The following SOX5 variants were observed in gnomAD, a reference collection of about 807,000 sequenced individuals.
SOX5 encodes the protein SRY-box transcription factor 5, also known as transcription factor SOX-5.
In SOX5, 9 loss-of-function variants were observed where a neutral mutation model predicts 92.0. The ratio of observed to expected loss-of-function variants is 0.10; its 90% CI spans 0.06 to 0.17. The LOEUF (loss-of-function observed/expected upper bound fraction) is 0.17. Ranked by LOEUF, SOX5 falls within the 10% of genes least tolerant of loss-of-function variation. The pLI is 1.00. For missense variants in SOX5, 642 were observed against 944.5 expected (o/e 0.68, Z 4.20); for synonymous variants, 344 against 336.3 (o/e 1.02, Z -0.25).
At chr12:24,510,648 GC>G (rs1194853518) in intron 1 of SOX5, among the ~76,000 whole-genome samples, 1 of 152,202 alleles carries the variant, frequency 6.6e-6, no homozygotes, top group Non-Finnish European at 1.5e-5. Context: ...CTGGGCCACA[GC>G]CCTGGAAATT....
intron 2 of SOX5, among the ~76,000 whole-genome samples, chr12:24,337,798 A>C (rs911280026): frequency 5.9e-5 from 9 of 152,236 alleles, no homozygotes; most frequent in Non-Finnish European, 7.3e-5. Flanking sequence ...TAAGGCACTG[A>C]AACGTTTTCA....
At chr12:23,895,715 AAGGACTG>A in intron 2 of SOX5, 71 bp downstream of exon 2, 1 of 957,902 alleles carries the variant, frequency 1.0e-6, no homozygotes, top group Non-Finnish European at 1.7e-6. Flanking sequence ...TTATAAAGCA[AAGGACTG>A]AGGCCAAACT....
chr12:23,955,941 A>T (rs1354505890), upstream of SOX5, among the ~76,000 whole-genome samples: 1 of 152,198 alleles, frequency 6.6e-6, no homozygotes, highest in Non-Finnish European at 1.5e-5. Context: ...TCTTGCTACA[A>T]TGTAGTTTTG....
chr12:23,686,851 T>C (rs1233068417), intron 6 of SOX5, among the ~76,000 whole-genome samples: 1 of 152,020 alleles, frequency 6.6e-6, no homozygotes, highest in Non-Finnish European at 1.5e-5. Flanking sequence ...ACAACAACAG[T>C]AAATAAAACA....
At chr12:23,966,855 A>C (rs1947643428) in intron 4 of SOX5, among the ~76,000 whole-genome samples, 1 of 152,190 alleles carries the variant, frequency 6.6e-6, no homozygotes. Flanking sequence ...GTTGTTTATA[A>C]ACTTTAAAAA....
At chr12:23,863,763 G>A (rs1041969593) in intron 2 of SOX5, among the ~76,000 whole-genome samples, 1 of 149,286 alleles carries the variant, frequency 6.7e-6, no homozygotes, top group Non-Finnish European at 1.5e-5. Flanking sequence ...GAGCTATTTT[G>A]TCAACTCCTA....
chr12:23,730,040 T>C (rs1301232896), intron 6 of SOX5, among the ~76,000 whole-genome samples: 1 of 152,160 alleles, frequency 6.6e-6, no homozygotes, highest in Non-Finnish European at 1.5e-5. Context: ...AGTCACTCAG[T>C]CACTTCCTGT....
chr12:24,380,971 T>C (rs897659908), intron 1 of SOX5, among the ~76,000 whole-genome samples: 1 of 152,232 alleles, frequency 6.6e-6, no homozygotes, highest in Non-Finnish European at 1.5e-5. Context: ...GGGGCATCTA[T>C]AGGGCAAGAT....
chr12:23,587,878 G>A (rs937624597), intron 9 of SOX5, among the ~76,000 whole-genome samples: 1 of 151,976 alleles, frequency 6.6e-6, no homozygotes, highest in South Asian at 2.1e-4. Context: ...TTACTGGCTC[G>A]GCCAAAGGCT....
chr12:23,592,718 A>G lies in SOX5; in HGVS notation c.1164+11669T>C, dbSNP rs1429208540. On this transcript the variant is annotated intron_variant, in intron 9 of 14. Coordinates refer to ENST00000451604, the MANE Select transcript of SOX5 (RefSeq NM_006940.6). The stretch of plus-strand genomic sequence containing the variant: ...TAATATTGATAAGCTGAAGATTTCA[A>G]TGAGCAAAATTCTTATTTCAGTATA... Among the ~76,000 whole-genome samples the G allele has an allele frequency of 2.6e-5, 4 of 152,330 alleles. No individual in the cohort carries two copies. The East Asian group carries it at 5.8e-4, about 22-fold the overall frequency.
chr12:23,806,126 T>C (rs1437670550), intron 3 of SOX5, among the ~76,000 whole-genome samples: 2 of 152,172 alleles, frequency 1.3e-5, no homozygotes, highest in African/African-American at 2.4e-5. Context: ...CTTACAATAA[T>C]AGCCTTAGAG....
At chr12:23,660,348 G>C in intron 7 of SOX5, among the ~76,000 whole-genome samples, 1 of 67,288 alleles carries the variant, frequency 1.5e-5, no homozygotes, top group East Asian at 3.1e-4. Context: ...CCGTAAAATG[G>C]ATCATGGATC....
chr12:23,767,417 T>C (rs2094774399), intron 3 of SOX5, among the ~76,000 whole-genome samples: 1 of 152,060 alleles, frequency 6.6e-6, no homozygotes, highest in African/African-American at 2.4e-5. Flanking sequence ...AATGGGAGAA[T>C]CACGTTACAA....
intron 3 of SOX5, among the ~76,000 whole-genome samples, chr12:23,807,017 T>A (rs1326031985): frequency 6.6e-6 from 1 of 152,226 alleles, no homozygotes; most frequent in African/African-American, 2.4e-5. Flanking sequence ...GGCCAGCTTT[T>A]GGATGGCCAA....
At chr12:24,105,844 T>C (rs538778542) in intron 4 of SOX5, among the ~76,000 whole-genome samples, 1 of 151,548 alleles carries the variant, frequency 6.6e-6, no homozygotes, top group African/African-American at 2.4e-5. Flanking sequence ...AGCCAAAAAG[T>C]ACAGAAAGAA....
At chr12:23,965,486 C>A (rs954715546) in intron 4 of SOX5, among the ~76,000 whole-genome samples, 1 of 152,160 alleles carries the variant, frequency 6.6e-6, no homozygotes, top group African/African-American at 2.4e-5. Context: ...CAACTTCCTG[C>A]ACAAATTGTG....
chr12:24,244,062 A>G (rs988572121), intron 3 of SOX5, among the ~76,000 whole-genome samples: 51 of 151,870 alleles, frequency 3.4e-4, no homozygotes, highest in Non-Finnish European at 6.8e-4. Flanking sequence ...AAAAAAAAAA[A>G]AAAAGAAAAG....
intron 4 of SOX5, among the ~76,000 whole-genome samples, chr12:24,085,227 C>T (rs763309138): frequency 6.6e-6 from 1 of 152,146 alleles, no homozygotes; most frequent in Admixed American, 6.6e-5. Context: ...TCAGCCTGTT[C>T]ACCCTGAATT....
chr12:23,838,666 A>C (rs2096466403), intron 3 of SOX5, among the ~76,000 whole-genome samples: 1 of 152,058 alleles, frequency 6.6e-6, no homozygotes, highest in Admixed American at 6.6e-5. Context: ...GAAAGTACAA[A>C]AGGTACATTG....
Sources: allele counts gnomAD v4.1 joint callset (sites outside exome capture counted in the v4.1 genomes callset), GRCh38; gene constraint gnomAD v4.1.1; transcripts MANE v1.5; gene names NCBI Gene and HGNC (gene_info 2026-07-23, HGNC 2026-07-21).